SMC1B: variants seen among roughly 807,000 people sequenced by gnomAD.
The protein encoded by SMC1B is structural maintenance of chromosomes 1B.
A neutral mutation model predicts 157.9 loss-of-function variants in SMC1B; 60 were observed. That is an observed-to-expected ratio of 0.38 (90% CI 0.31 to 0.47). SMC1B has a LOEUF of 0.47. SMC1B is among the 20% of genes least tolerant of loss of function. The pLI, the probability that SMC1B is intolerant of heterozygous loss-of-function variation, is 0.99. For missense variants in SMC1B, 1,165 were observed against 1,426.2 expected (o/e 0.82, Z 2.95); for synonymous variants, 445 against 483.0 (o/e 0.92, Z 1.03).
At chr22:45,378,451 GAGC>G (rs1345744674) in intron 12 of SMC1B, among the ~76,000 whole-genome samples, 1 of 151,928 alleles carries the variant, frequency 6.6e-6, no homozygotes, top group Non-Finnish European at 1.5e-5. Context: ...CACATTTATT[GAGC>G]ACTTACTGTT....
At chr22:45,376,451 T>C (rs1474377499) in intron 12 of SMC1B, among the ~76,000 whole-genome samples, 2 of 152,334 alleles carry the variant, frequency 1.3e-5, no homozygotes, top group South Asian at 2.1e-4. Context: ...GACACCTGGA[T>C]TGCTTCTACC....
intron 11 of SMC1B, among the ~76,000 whole-genome samples, chr22:45,385,958 A>G (rs2086985302): frequency 6.6e-6 from 1 of 152,080 alleles, no homozygotes; most frequent in South Asian, 2.1e-4. Context: ...GCAATTCTGG[A>G]CATTCCAGAT....
chr22:45,373,959 A>G (rs1167843729), intron 12 of SMC1B, among the ~76,000 whole-genome samples: 1 of 152,224 alleles, frequency 6.6e-6, no homozygotes, highest in African/African-American at 2.4e-5. Context: ...ATTCTAAAAA[A>G]AAGGGTGTCC....
intron 12 of SMC1B, among the ~76,000 whole-genome samples, chr22:45,375,595 A>G (rs1192264029): frequency 6.6e-6 from 1 of 152,226 alleles, no homozygotes; most frequent in Admixed American, 6.5e-5. Flanking sequence ...TGTTCAAGTA[A>G]GAGCTATTTA....
In SMC1B at chr22:45,371,505, CG is replaced by C. The variant is rs780655876; in HGVS notation, c.2278del (p.Arg760GlufsTer10). The C allele has an allele frequency of 1.3e-6, 2 of 1,598,452 alleles. No individual in the cohort carries two copies. The highest frequency in any genetic ancestry group is 1.7e-6 in the Non-Finnish European group (2 of 1,173,988). ...MLSEGIKERQ[R>X]RIKEFQEKID... ...CTTTTCTTGAAATTCTTTAATTCTT[CG>C]TTGTCGTTCCTTGATTCCTTCACTC... On this transcript the variant is annotated frameshift_variant, in exon 14 of 25. Transcript: ENST00000357450. LOFTEE classifies it high-confidence loss of function.
Position 45,413,580 on chromosome 22 carries a change from C to G in SMC1B, c.-13G>C. The G allele has an allele frequency of 6.3e-7, 1 of 1,590,124 alleles. No homozygotes were observed. Among genetic ancestry groups the G allele is most frequent in the Non-Finnish European group, 8.6e-7 (1 of 1,167,738 alleles). On this transcript the variant is annotated 5_prime_UTR_variant, in exon 1 of 25. Coordinates refer to ENST00000357450, the MANE Select transcript of SMC1B (RefSeq NM_148674.5). ...CCAGGTGGGCCATGGCGCCGCCCTC[C>G]ACGCCTCACCCGCGTTATCAAGCGC... is the stretch of plus-strand genomic sequence containing the variant.
chr22:45,366,328 G>A (rs1286676772), intron 15 of SMC1B, among the ~76,000 whole-genome samples: 1 of 152,090 alleles, frequency 6.6e-6, no homozygotes, highest in Non-Finnish European at 1.5e-5. Flanking sequence ...CCAGCCTCCA[G>A]TTGGATTTTT....
chr22:45,362,364 T>G (rs1225825999), intron 16 of SMC1B, among the ~76,000 whole-genome samples: 4 of 152,196 alleles, frequency 2.6e-5, no homozygotes, highest in African/African-American at 9.6e-5. Flanking sequence ...GGGGCTTCTG[T>G]GATACCACCT....
At chr22:45,386,536 A>G (rs374563570) in intron 11 of SMC1B, among the ~76,000 whole-genome samples, 69 of 152,120 alleles carry the variant, frequency 4.5e-4, no homozygotes, top group African/African-American at 1.6e-3. Context: ...GGTATTCAAA[A>G]CCACAGGTAC....
At chr22:45,376,869 G>A (rs979840365) in intron 12 of SMC1B, among the ~76,000 whole-genome samples, 4 of 152,162 alleles carry the variant, frequency 2.6e-5, no homozygotes, top group African/African-American at 9.7e-5. Context: ...TTCCAGTCAG[G>A]AGGAAGAAAT....
intron 12 of SMC1B, among the ~76,000 whole-genome samples, chr22:45,375,240 C>T (rs1338154654): frequency 2.6e-5 from 4 of 152,186 alleles, no homozygotes; most frequent in Non-Finnish European, 4.4e-5. Context: ...GAAGCCCCCT[C>T]TCTGTTTCGA....
At chr22:45,353,922 A>AAAAAAAAAAAAAAAAAAAAAAAAAAAC in intron 21 of SMC1B, 56 bp downstream of exon 21, 1 of 1,033,200 alleles carries the variant, frequency 9.7e-7, no homozygotes, top group Non-Finnish European at 1.4e-6. Context: ...AAAAAAAAAC[A>AAAAAAAAAAAAAAAAAAAAAAAAAAAC]ACCACCACCG....
At chr22:45,361,101 C>T (rs1211675140) in intron 17 of SMC1B, among the ~76,000 whole-genome samples, 1 of 151,996 alleles carries the variant, frequency 6.6e-6, no homozygotes, top group Non-Finnish European at 1.5e-5. Context: ...GGCACTATTA[C>T]TATCTCCATT....
chr22:45,388,607 A>C (rs2087017294), intron 10 of SMC1B, among the ~76,000 whole-genome samples: 4 of 152,188 alleles, frequency 2.6e-5, no homozygotes, highest in African/African-American at 9.6e-5. Flanking sequence ...CTTTACAAGT[A>C]ACAATTCCTT....
chr22:45,402,394 C>T lies in SMC1B; in HGVS notation c.793G>A (p.Ala265Thr). ...SLSHHENIVK[A>T]RKKEHGMLTR... ...AGCATTCCATGTTCCTTTTTCCTGG[C>T]TTTAACTATGTTTTCATGATGAGAC... is the stretch of plus-strand genomic sequence containing the variant. The change falls in exon 5 of 25, where the codon GCC becomes ACC. Residue 265 changes from alanine to threonine, a missense_variant. Coordinates refer to ENST00000357450, the MANE Select transcript of SMC1B (RefSeq NM_148674.5). 5.0e-6 allele frequency: 8 copies of T among 1,613,796 alleles called. No homozygotes were observed. Among genetic ancestry groups the T allele is most frequent in the Non-Finnish European group, 6.8e-6 (8 of 1,179,894 alleles).
chr22:45,393,555 C>T, intron 9 of SMC1B, 79 bp downstream of exon 9: 1 of 1,046,038 alleles, frequency 9.6e-7, no homozygotes, highest in South Asian at 1.6e-5. Flanking sequence ...TATTTCTAAT[C>T]CCAAATGAGA....
chr22:45,413,256 G>A (rs994317672), intron 1 of SMC1B, among the ~76,000 whole-genome samples: 2 of 152,140 alleles, frequency 1.3e-5, no homozygotes, highest in African/African-American at 4.8e-5. Flanking sequence ...TGAGGTGGAC[G>A]GCGAGGACCG....
intron 9 of SMC1B, 106 bp downstream of exon 9, chr22:45,393,528 C>T: frequency 1.2e-6 from 1 of 820,830 alleles, no homozygotes; most frequent in Non-Finnish European, 1.9e-6. Flanking sequence ...AATAATATTG[C>T]TTTGTAATAA....
chr22:45,407,368 T>G (rs1287265649), intron 2 of SMC1B, among the ~76,000 whole-genome samples: 2 of 152,172 alleles, frequency 1.3e-5, no homozygotes, highest in Non-Finnish European at 2.9e-5. Context: ...AATTGATAGC[T>G]TATCTTCACA....
Sources: allele counts gnomAD v4.1 joint callset (sites outside exome capture counted in the v4.1 genomes callset), GRCh38; gene constraint gnomAD v4.1.1; transcripts MANE v1.5; gene names NCBI Gene and HGNC (gene_info 2026-07-23, HGNC 2026-07-21).